Variants in FER1L6 observed in about 807,000 individuals in gnomAD.
FER1L6 encodes the protein fer-1-like protein 6.
FER1L6 carries 177 observed loss-of-function variants against 219.2 expected under a neutral mutation model. That is an observed-to-expected ratio of 0.81 (90% CI 0.71 to 0.91). The LOEUF (loss-of-function observed/expected upper bound fraction) is 0.91, where lower values mean the gene tolerates loss of function less well. Ranked by LOEUF, FER1L6 falls within the 40% of genes least tolerant of loss-of-function variation. FER1L6 has a pLI of 0.00. For missense variants in FER1L6, 2,153 were observed against 2,259.9 expected (o/e 0.95, Z 0.96); for synonymous variants, 768 against 824.3 (o/e 0.93, Z 1.17).
rs755476487 is a variant in FER1L6, at chr8:124,101,115, G to A, written c.4902G>A (p.Glu1634=). The change falls in exon 38 of 41, where the codon GAG becomes GAA. Residue 1634 remains glutamate, a synonymous_variant. Coordinates refer to ENST00000522917, the MANE Select transcript of FER1L6 (RefSeq NM_001039112.2). ...TTTTTAGGTGGTTAAAGGGCTTGGA[G>A]GATGACAAGCAGGAGACAGATGTGC... ...IYVKGWLKGL[E]DDKQETDVHY... 1.1e-5 allele frequency: 18 copies of A among 1,613,392 alleles called. No homozygotes were observed. The highest frequency in any genetic ancestry group is 1.4e-5 in the Non-Finnish European group (17 of 1,179,600).
In FER1L6 at chr8:124,077,700, T is replaced by C. The variant is rs538912933; in HGVS notation, c.4220+1375T>C. On this transcript the variant is annotated intron_variant, in intron 32 of 40. Transcript: ENST00000522917. ...GACTTGTTTTACTATCCGTGCTATA[T>C]GGCCATGGCAAACGAGAAGAGGACG... is the stretch of plus-strand genomic sequence containing the variant. Among the ~76,000 whole-genome samples the C allele has an allele frequency of 9.2e-5, 14 of 152,322 alleles. No homozygotes were observed. In the South Asian group the frequency reaches 2.5e-3, roughly 27 times the overall value.
Position 123,986,071 on chromosome 8 carries a change from G to T in FER1L6, c.1414G>T (p.Val472Leu), listed in dbSNP as rs745933263. The change falls in exon 12 of 41, where the codon GTA (valine) becomes TTA (leucine). Residue 472 changes from valine to leucine, a missense_variant. Transcript: ENST00000522917. Reference protein sequence around the residue: ...VESFDVPPEIVPEKNEEFLLF... With the variant: ...VESFDVPPEILPEKNEEFLLF... Reference sequence around the variant, plus strand: ...TAATTTTGTTTTCTTTCTGTAGATTGTACCAGAAAAAAATGAGGAATTTTT... The same window carrying T: ...TAATTTTGTTTTCTTTCTGTAGATTTTACCAGAAAAAAATGAGGAATTTTT... The T allele has an allele frequency of 2.5e-6, 4 of 1,596,646 alleles. No homozygotes were observed. Among genetic ancestry groups the T allele is most frequent in the Non-Finnish European group, 3.4e-6 (4 of 1,164,350 alleles).
chr8:123,904,599 A>G (rs1469633284), intron 1 of FER1L6, among the ~76,000 whole-genome samples: 1 of 152,150 alleles, frequency 6.6e-6, no homozygotes, highest in Non-Finnish European at 1.5e-5. Flanking sequence ...ATTTCAACCT[A>G]TACAAGATAC....
At chr8:124,066,754 C>G (rs796600495) in intron 27 of FER1L6, among the ~76,000 whole-genome samples, 5 of 152,286 alleles carry the variant, frequency 3.3e-5, no homozygotes, top group African/African-American at 1.2e-4. Flanking sequence ...TTGGCTGGAG[C>G]TGGCCCTAGG....
chr8:124,103,065 A>G (rs1751625392), intron 38 of FER1L6, 81 bp from the exon 39 acceptor site: 1 of 1,237,828 alleles, frequency 8.1e-7, no homozygotes, highest in Non-Finnish European at 1.2e-6. Context: ...GGGTGAATGA[A>G]TGAATGAGGA....
chr8:123,887,628 GC>G, intron 1 of FER1L6, among the ~76,000 whole-genome samples: 1 of 152,304 alleles, frequency 6.6e-6, no homozygotes, highest in East Asian at 1.9e-4. Context: ...GGTTGAACAA[GC>G]CCAACTAAGA....
rs201541254 is a variant in FER1L6 at position 123,975,915 on chromosome 8, A to T, written c.701A>T (p.Asn234Ile). 6.2e-7 allele frequency: 1 copy of T among 1,602,916 alleles called. No individual in the cohort carries two copies. The highest frequency in any genetic ancestry group is 1.7e-5 in the Admixed American group (1 of 59,154). The part of the protein sequence containing the change: ...EPIEKNLLIP[N>I]GFPLERPWAR... ...CCTCTAAGGAACCTTTTGATCCCCA[A>T]TGGGTTTCCACTGGAGAGACCGTGG... The change falls in exon 9 of 41, where the codon AAT (asparagine) becomes ATT (isoleucine). Residue 234 changes from asparagine (N) to isoleucine (I), a missense_variant. By Grantham distance (149) the Asn-to-Ile change is moderately radical (BLOSUM62 -3). Transcript: ENST00000522917.
intron 33 of FER1L6, among the ~76,000 whole-genome samples, chr8:124,088,284 G>A (rs1821865953): frequency 6.6e-6 from 1 of 152,040 alleles, no homozygotes; most frequent in Non-Finnish European, 1.5e-5. Context: ...TCAAGCAGAG[G>A]GGTCTCTCCC....
At chr8:124,075,946 T>G (rs1821263917) in intron 31 of FER1L6, among the ~76,000 whole-genome samples, 1 of 152,188 alleles carries the variant, frequency 6.6e-6, no homozygotes, top group Non-Finnish European at 1.5e-5. Flanking sequence ...CAGAGAAAGT[T>G]GCACTTGGGC....
chr8:123,894,297 T>C (rs1812707944), intron 1 of FER1L6, among the ~76,000 whole-genome samples: 1 of 152,218 alleles, frequency 6.6e-6, no homozygotes, highest in Non-Finnish European at 1.5e-5. Flanking sequence ...ATTTCTTGCC[T>C]ACTATATAAA....
At chr8:124,113,182 C>A (rs980497169) in intron 39 of FER1L6, among the ~76,000 whole-genome samples, 2 of 152,070 alleles carry the variant, frequency 1.3e-5, no homozygotes, top group Non-Finnish European at 2.9e-5. Context: ...TTGTCCTCAA[C>A]ATTTATTCAT....
Position 124,101,658 on chromosome 8 carries a change from C to T in FER1L6, c.5125+320C>T, listed in dbSNP as rs955576832. On this transcript the variant is annotated intron_variant, in intron 38 of 40. Transcript: ENST00000522917. ...TAATATTACATACTTCAGAGAGGGGCGGAGCTGTAATTGTTGTAACACAAT... is the reference window on the plus strand; with the variant it reads ...TAATATTACATACTTCAGAGAGGGGTGGAGCTGTAATTGTTGTAACACAAT... 7.9e-5 allele frequency among the ~76,000 whole-genome samples: 12 copies of T among 152,106 alleles called. No individual in the cohort carries two copies. The South Asian group carries it at 1.2e-3, about 16-fold the overall frequency.
At chr8:123,980,107 T>C (rs1214699607) in intron 10 of FER1L6, among the ~76,000 whole-genome samples, 1 of 152,224 alleles carries the variant, frequency 6.6e-6, no homozygotes, top group Admixed American at 6.5e-5. Flanking sequence ...TTGCTTAATG[T>C]TTATACCTGC....
chr8:123,977,322 T>C (rs1457702265), intron 9 of FER1L6, 95 bp from the exon 10 acceptor site: 2 of 1,306,330 alleles, frequency 1.5e-6, no homozygotes, highest in East Asian at 2.3e-5. Flanking sequence ...TTCATTATCT[T>C]TGAAAACTCA....
Position 124,010,620 on chromosome 8 carries a change from C to G in FER1L6, c.1727C>G (p.Ala576Gly). The stretch of plus-strand genomic sequence containing the variant: ...AATTACAACTATTTGCCATTTGAGG[C>G]TAAGAAGCCCTGTGTCTATTTCATC... ...NRNYNYLPFE[A>G]KKPCVYFISS... is the part of the protein sequence containing the mutation. The change falls in exon 14 of 41, where the codon GCT becomes GGT. Residue 576 changes from alanine (A) to glycine (G), a missense_variant. Transcript: ENST00000522917. The G allele has an allele frequency of 5.6e-6, 9 of 1,614,018 alleles. No homozygotes were observed. The highest frequency in any genetic ancestry group is 7.6e-6 in the Non-Finnish European group (9 of 1,179,938).
chr8:123,937,201 C>T (rs912816334), intron 1 of FER1L6, among the ~76,000 whole-genome samples: 1 of 152,208 alleles, frequency 6.6e-6, no homozygotes, highest in Non-Finnish European at 1.5e-5. Flanking sequence ...GCCACCATGC[C>T]CAGCCTGTTA....
At chr8:124,098,675 T>A (rs563727698) in intron 37 of FER1L6, among the ~76,000 whole-genome samples, 2 of 152,312 alleles carry the variant, frequency 1.3e-5, no homozygotes, top group East Asian at 1.9e-4. Flanking sequence ...GAAATTGCTA[T>A]CTCATCACCA....
At chr8:124,109,288 C>T (rs1822916123) in intron 39 of FER1L6, among the ~76,000 whole-genome samples, 1 of 152,144 alleles carries the variant, frequency 6.6e-6, no homozygotes, top group African/African-American at 2.4e-5. Context: ...CCAGGAAAGG[C>T]TGGTTGCTCC....
chr8:123,890,625 A>T (rs77181167), intron 1 of FER1L6, among the ~76,000 whole-genome samples: 25 of 91,428 alleles, frequency 2.7e-4, no homozygotes, highest in South Asian at 8.6e-4. Context: ...TAAAAATTTG[A>T]TTTTTTTTTT....
Sources: allele counts gnomAD v4.1 joint callset (sites outside exome capture counted in the v4.1 genomes callset), GRCh38; gene constraint gnomAD v4.1.1; transcripts MANE v1.5; gene names NCBI Gene and HGNC (gene_info 2026-07-23, HGNC 2026-07-21).